Variants in KIF13A observed in about 807,000 individuals in gnomAD.
KIF13A encodes kinesin family member 13A.
KIF13A carries 79 observed loss-of-function variants against 212.2 expected under a neutral mutation model. The ratio of observed to expected loss-of-function variants is 0.37; its 90% CI spans 0.31 to 0.45. The LOEUF (loss-of-function observed/expected upper bound fraction) is 0.45, where lower values mean the gene tolerates loss of function less well. Ranked by LOEUF, KIF13A falls within the 20% of genes least tolerant of loss-of-function variation. KIF13A has a pLI of 1.00. For synonymous variants in KIF13A, 789 were observed against 808.6 expected (o/e 0.98, Z 0.41); for missense variants, 1,901 against 2,209.0 (o/e 0.86, Z 2.79).
rs546103914 is a variant in KIF13A, at chr6:17,799,004, T to C, written c.2790+262A>G. ...ACACACATATAAAAGATGCAGAGCATAGAAAGTAGTTTAATGAAATATGTA... is the reference window on the plus strand; with the variant it reads ...ACACACATATAAAAGATGCAGAGCACAGAAAGTAGTTTAATGAAATATGTA... On this transcript the variant is annotated intron_variant, in intron 22 of 38. Transcript: ENST00000259711. This position sits in a 1 kb window ranked among gnomAD's most constrained non-coding sequence, Gnocchi z 4.4. 3.5e-4 allele frequency among the ~76,000 whole-genome samples: 54 copies of C among 152,328 alleles called. No homozygotes were observed. The highest frequency in any genetic ancestry group is 3.3e-4 in the Admixed American group (5 of 15,310).
At chr6:17,804,711 G>A (rs1200733463) in intron 19 of KIF13A, among the ~76,000 whole-genome samples, 1 of 150,164 alleles carries the variant, frequency 6.7e-6, no homozygotes, top group Non-Finnish European at 1.5e-5. Context: ...TACTCAGGAG[G>A]CTGGGGCACG....
chr6:17,779,731 A>AGT (rs759120322), intron 31 of KIF13A, 47 bp from the exon 32 acceptor site: 1 of 753,180 alleles, frequency 1.3e-6, no homozygotes, highest in Non-Finnish European at 2.1e-6. Context: ...GACAAATGTA[A>AGT]GTTATTTTGT....
In KIF13A at chr6:17,768,111, G is replaced by A. The variant is rs1271118820; in HGVS notation, c.4581+3003C>T. 6.6e-6 allele frequency among the ~76,000 whole-genome samples: 1 copy of A among 152,186 alleles called. No homozygotes were observed. The highest frequency in any genetic ancestry group is 2.4e-5 in the African/African-American group (1 of 41,444). ...TGTTTATTGAGTTATTGCCAATTAAGGGAGGATTTAATTGGCTTAAACTCA... is the reference window on the plus strand; with the variant it reads ...TGTTTATTGAGTTATTGCCAATTAAAGGAGGATTTAATTGGCTTAAACTCA... On this transcript the variant is annotated intron_variant, in intron 38 of 38. Transcript: ENST00000259711. This position sits in a 1 kb window ranked among gnomAD's most constrained non-coding sequence, Gnocchi z 5.4.
intron 2 of KIF13A, among the ~76,000 whole-genome samples, chr6:17,929,432 G>T (rs971732248): frequency 1.4e-5 from 2 of 145,378 alleles, no homozygotes; most frequent in Non-Finnish European, 3.0e-5. Context: ...ACAGAGTCTC[G>T]CTCTGTTGGC....
chr6:17,844,366 T>C (rs1226157656), intron 9 of KIF13A, among the ~76,000 whole-genome samples: 2 of 152,138 alleles, frequency 1.3e-5, no homozygotes, highest in African/African-American at 4.8e-5. Context: ...TTTCTGAAAA[T>C]GTTAGTGTAT....
chr6:17,935,261 T>C (rs1425269364), intron 2 of KIF13A, among the ~76,000 whole-genome samples: 2 of 152,168 alleles, frequency 1.3e-5, no homozygotes, highest in Non-Finnish European at 2.9e-5. Flanking sequence ...GAATAATTCC[T>C]ACTAAGGATA....
chr6:17,839,463 TA>T lies in KIF13A; in HGVS notation c.831-1881del. On this transcript the variant is annotated intron_variant, in intron 9 of 38. Coordinates refer to ENST00000259711, the MANE Select transcript of KIF13A (RefSeq NM_022113.6). This position sits in a 1 kb window ranked among gnomAD's most constrained non-coding sequence, Gnocchi z 4.3. ...CACACAGTGGAATATCATTTGGCCATAAAAGGGAATAAGTTCAGATACATGT... is the reference window on the plus strand; with the variant it reads ...CACACAGTGGAATATCATTTGGCCATAAAGGGAATAAGTTCAGATACATGT... 6.6e-6 allele frequency among the ~76,000 whole-genome samples: 1 copy of T among 152,180 alleles called. No individual in the cohort carries two copies. Among genetic ancestry groups the T allele is most frequent in the South Asian group, 2.1e-4 (1 of 4,824 alleles).
Position 17,796,695 on chromosome 6 carries a change from A to T in KIF13A, c.2916T>A (p.His972Gln). The change falls in exon 23 of 39, where the codon CAT (histidine) becomes CAA (glutamine). Residue 972 changes from histidine (H) to glutamine (Q), a missense_variant. By Grantham distance (24) the His-to-Gln change is conservative. Around this residue, in one of 5 missense-constraint regions of KIF13A, gnomAD observed 534 missense variants for 536.9 expected, o/e 0.99. Coordinates refer to ENST00000259711, the MANE Select transcript of KIF13A (RefSeq NM_022113.6). ...TGTCATGCAGTGTTCTTGTCTTAGC[A>T]TGAAGAGAATCGACCTCCCAGATGG... ...GSSIWEVDSL[H>Q]AKTRTLHDRW... 1 of 1,579,156 alleles carries T rather than the reference A, an allele frequency of 6.3e-7. No individual in the cohort carries two copies. The highest frequency in any genetic ancestry group is 8.6e-7 in the Non-Finnish European group (1 of 1,161,068).
At chr6:17,841,997 ATACGTGTG>A (rs1766562459) in intron 9 of KIF13A, among the ~76,000 whole-genome samples, 1 of 122,686 alleles carries the variant, frequency 8.2e-6, no homozygotes, top group African/African-American at 3.3e-5. Flanking sequence ...GTATATACAC[ATACGTGTG>A]TGTGTGTGTG....
At chr6:17,795,514 G>T (rs1387542980) in intron 23 of KIF13A, among the ~76,000 whole-genome samples, 18 of 150,064 alleles carry the variant, frequency 1.2e-4, no homozygotes. Context: ...AGAATCACTT[G>T]AACCCAGGAG....
Position 17,796,754 on chromosome 6 carries a change from C to T in KIF13A, c.2857G>A (p.Val953Ile). 1 of 1,590,896 alleles carries T rather than the reference C, an allele frequency of 6.3e-7. No individual in the cohort carries two copies. The highest frequency in any genetic ancestry group is 8.6e-7 in the Non-Finnish European group (1 of 1,167,410). The stretch of plus-strand genomic sequence containing the variant: ...TTTCCAGCACACCGGTGGCCCCATA[C>T]TTCAATGGCCAGTGCTCCATCTGAA... ...FISDGALAIEVWGHRCAGNGS... is the reference protein window; with the variant it reads ...FISDGALAIEIWGHRCAGNGS... Residue 953 changes from valine (V) to isoleucine (I), a missense_variant, in exon 23 of 39, where the codon GTA becomes ATA. Transcript: ENST00000259711.
intron 38 of KIF13A, among the ~76,000 whole-genome samples, chr6:17,766,354 G>A (rs867215670): frequency 1.1e-4 from 17 of 151,386 alleles, no homozygotes; most frequent in African/African-American, 3.9e-4. Context: ...ATTCTCCTGC[G>A]TCAGCCTCCC....
Position 17,785,631 on chromosome 6 carries a change from C to A in KIF13A, c.3372G>T (p.Glu1124Asp). Reference protein sequence around the residue: ...KKVSNKTEKTEDDVEREAQLV... With the variant: ...KKVSNKTEKTDDDVEREAQLV... ...GCTGGGCTTCCCGCTCCACATCGTC[C>A]TCTGTTTTCTCTGCAGAAAAAAATG... Residue 1124 changes from glutamate (E) to aspartate (D), a missense_variant, in exon 28 of 39, where the codon GAG becomes GAT. Physicochemically the swap from Glu to Asp is conservative, Grantham distance 45. Around this residue, in one of 5 missense-constraint regions of KIF13A, gnomAD observed 168 missense variants for 250.9 expected, o/e 0.67. Coordinates refer to ENST00000259711, the MANE Select transcript of KIF13A (RefSeq NM_022113.6). The surrounding 1 kb of genome is among the most constrained non-coding windows in gnomAD (Gnocchi z 5.8). 1 of 1,603,710 alleles carries A rather than the reference C, an allele frequency of 6.2e-7. No individual in the cohort carries two copies. The highest frequency in any genetic ancestry group is 8.5e-7 in the Non-Finnish European group (1 of 1,175,292).
rs144640566 is a variant in KIF13A, at chr6:17,908,232, C to G, written c.147-10052G>C. On this transcript the variant is annotated intron_variant, in intron 2 of 38. Coordinates refer to ENST00000259711, the MANE Select transcript of KIF13A (RefSeq NM_022113.6). ...GGGACTTCAGTCACAGACCTTGAAG[C>G]AGACCTGATGGAATGAATGAAGAAA... Among the ~76,000 whole-genome samples, 487 of 152,248 alleles carry G rather than the reference C, an allele frequency of 3.2e-3. 6 individuals are homozygous for G. The highest frequency in any genetic ancestry group is 0.011 in the African/African-American group (448 of 41,528).
intron 4 of KIF13A, among the ~76,000 whole-genome samples, chr6:17,859,620 T>TTATATATATATATATATATATATA: frequency 7.6e-6 from 1 of 131,556 alleles, no homozygotes; most frequent in South Asian, 2.4e-4. Flanking sequence ...GCAATGTATT[T>TTATATATATATATATATATATATA]TATATATATA....
chr6:17,767,624 C>T (rs1481817419), intron 38 of KIF13A, among the ~76,000 whole-genome samples: 1 of 152,164 alleles, frequency 6.6e-6, no homozygotes, highest in Non-Finnish European at 1.5e-5. Flanking sequence ...CACAATTCTC[C>T]AAGTCCAAGC....
chr6:17,792,196 C>CAAAAAAAAAAAAAAAAAAAAAA lies in KIF13A; in HGVS notation c.3222+2052_3222+2053insTTTTTTTTTTTTTTTTTTTTTT, dbSNP rs10666115. ...CCAGCCTAGGGGACAGAGTGAGACT[C>CAAAAAAAAAAAAAAAAAAAAAA]AAAAAAAAAAAAAAAAAAAAAGCAG... On this transcript the variant is annotated intron_variant, in intron 25 of 38. Coordinates refer to ENST00000259711, the MANE Select transcript of KIF13A (RefSeq NM_022113.6). Among the ~76,000 whole-genome samples, 2 of 75,116 alleles carry CAAAAAAAAAAAAAAAAAAAAAA rather than the reference C, an allele frequency of 2.7e-5. 1 individual carries two copies. 49.3% of individuals were successfully genotyped at this position (75,116 alleles called of 152,430 possible).
At chr6:17,916,798 A>G (rs987941391) in intron 2 of KIF13A, among the ~76,000 whole-genome samples, 4 of 152,216 alleles carry the variant, frequency 2.6e-5, no homozygotes, top group Non-Finnish European at 5.9e-5. Flanking sequence ...CCAGGTATGA[A>G]CAAGTGGCAT....
At chr6:17,842,903 C>G (rs1171393938) in intron 9 of KIF13A, among the ~76,000 whole-genome samples, 1 of 151,628 alleles carries the variant, frequency 6.6e-6, no homozygotes, top group African/African-American at 2.4e-5. Context: ...TGCACCGTTT[C>G]CCCTGAAACT....
Sources: allele counts gnomAD v4.1 joint callset (sites outside exome capture counted in the v4.1 genomes callset), GRCh38; gene constraint gnomAD v4.1.1; regional missense constraint gnomAD v4.1.1; non-coding constraint Gnocchi (gnomAD v3.1); transcripts MANE v1.5; gene names NCBI Gene and HGNC (gene_info 2026-07-23, HGNC 2026-07-21).